MPHOSPH6: variants seen among roughly 807,000 people sequenced by gnomAD.
The protein encoded by MPHOSPH6 is M-phase phosphoprotein 6.
Under a neutral mutation model 21.8 loss-of-function variants are expected in MPHOSPH6, and 25 were observed. That is an observed-to-expected ratio of 1.15 (90% CI 0.83 to 1.60). The LOEUF (loss-of-function observed/expected upper bound fraction) is 1.60. Ranked by LOEUF, MPHOSPH6 falls within the 40% of genes most tolerant of loss-of-function variation. MPHOSPH6 has a pLI of 0.00. For synonymous variants in MPHOSPH6, 84 were observed against 56.5 expected, an observed-to-expected ratio of 1.49 and a Z score of -2.18; for missense variants, 269 against 181.8, an observed-to-expected ratio of 1.48 and a Z score of -2.76.
chr16:82,158,802 A>G (rs1319681239), intron 2 of MPHOSPH6, among the ~76,000 whole-genome samples: 2 of 152,340 alleles, frequency 1.3e-5, no homozygotes, highest in East Asian at 1.9e-4. Flanking sequence ...CCAACACTTA[A>G]AAGACTTTTC....
chr16:82,151,609 C>G (rs1187270230), intron 2 of MPHOSPH6, 95 bp from the exon 3 acceptor site: 1 of 1,391,314 alleles, frequency 7.2e-7, no homozygotes, highest in Non-Finnish European at 9.4e-7. Context: ...ACCTATGGTT[C>G]TCAGTAGAAT....
chr16:82,168,107 C>T (rs1002390027), intron 1 of MPHOSPH6, among the ~76,000 whole-genome samples: 3 of 145,134 alleles, frequency 2.1e-5, no homozygotes, highest in African/African-American at 7.4e-5. Flanking sequence ...AGTTGAGTCT[C>T]CCCATTTGGT....
intron 2 of MPHOSPH6, among the ~76,000 whole-genome samples, chr16:82,158,912 C>G (rs181182484): frequency 2.0e-3 from 305 of 152,200 alleles, no homozygotes; most frequent in Non-Finnish European, 2.4e-3. Flanking sequence ...TTCCAAATGA[C>G]AGATGCAGGA....
intron 1 of MPHOSPH6, among the ~76,000 whole-genome samples, chr16:82,165,173 G>GCT (rs1479661234): frequency 2.3e-5 from 3 of 130,662 alleles, no homozygotes; most frequent in African/African-American, 8.7e-5. Context: ...TGTCGCCCAG[G>GCT]CTGGAGTGTA....
intron 2 of MPHOSPH6, among the ~76,000 whole-genome samples, chr16:82,159,379 C>T (rs1411005211): frequency 6.6e-6 from 1 of 152,070 alleles, no homozygotes; most frequent in African/African-American, 2.4e-5. Flanking sequence ...AAATATAAAT[C>T]ACACAAAACA....
intron 2 of MPHOSPH6, among the ~76,000 whole-genome samples, chr16:82,153,858 A>G (rs1357149945): frequency 6.6e-6 from 1 of 152,190 alleles, no homozygotes; most frequent in Non-Finnish European, 1.5e-5. Flanking sequence ...CAAAATCCAG[A>G]TGTTAGTAGG....
At chr16:82,155,544 CTATT>C (rs1237555918) in intron 2 of MPHOSPH6, among the ~76,000 whole-genome samples, 1 of 152,118 alleles carries the variant, frequency 6.6e-6, no homozygotes, top group Non-Finnish European at 1.5e-5. Context: ...TGAAAAAACT[CTATT>C]TATGATATAT....
In MPHOSPH6 at chr16:82,164,147, T is replaced by C; in HGVS notation, c.99A>G (p.Glu33=). ...CTTCACTAATGATTTTCTTTTCTTC[T>C]TCTTCTAGTTGTTTCTTGGTTTCTG... ...LDSETKKQLE[E]EEKKIISEEH... Residue 33 remains glutamate, a synonymous_variant, in exon 2 of 5, where the codon GAA becomes GAG. Transcript: ENST00000258169. 6.2e-7 allele frequency: 1 copy of C among 1,612,396 alleles called. No individual in the cohort carries two copies. Among genetic ancestry groups the C allele is most frequent in the Non-Finnish European group, 8.5e-7 (1 of 1,179,974 alleles).
chr16:82,158,280 A>G (rs1345598902), intron 2 of MPHOSPH6, among the ~76,000 whole-genome samples: 1 of 151,888 alleles, frequency 6.6e-6, no homozygotes, highest in African/African-American at 2.4e-5. Context: ...CGAGGTCAGG[A>G]AATTGAGATC....
At chr16:82,150,219 C>T (rs755682377) in intron 3 of MPHOSPH6, among the ~76,000 whole-genome samples, 3 of 152,008 alleles carry the variant, frequency 2.0e-5, no homozygotes, top group Non-Finnish European at 2.9e-5. Context: ...TCAATTTCTG[C>T]GGGCAGTGGC....
intron 3 of MPHOSPH6, among the ~76,000 whole-genome samples, chr16:82,150,161 A>C (rs535549145): frequency 1.3e-5 from 2 of 152,210 alleles, no homozygotes; most frequent in East Asian, 3.9e-4. Flanking sequence ...TCAGTGTTTC[A>C]GAATCCAGTA....
intron 1 of MPHOSPH6, chr16:82,164,935 G>A (rs541629123): frequency 6.6e-6 from 1 of 152,154 alleles, no homozygotes; most frequent in Admixed American, 6.5e-5. Context: ...ATGAATACCT[G>A]TATTTCTTCA....
At position 82,159,648 on chromosome 16, in the gene MPHOSPH6, C is replaced by T. The variant is rs575402811; in HGVS notation, c.164+4434G>A. Among the ~76,000 whole-genome samples the T allele has an allele frequency of 8.5e-5, 13 of 152,252 alleles. No individual in the cohort carries two copies. In the South Asian group the frequency reaches 1.2e-3, roughly 15 times the overall value. On this transcript the variant is annotated intron_variant, in intron 2 of 4. Transcript: ENST00000258169. The stretch of plus-strand genomic sequence containing the variant: ...GTCTCGATCTCCTGACGTCGTGATC[C>T]GCCTGCCTCGGCCTCCCAAAGTGCT...
At chr16:82,160,418 C>G (rs1403067494) in intron 2 of MPHOSPH6, among the ~76,000 whole-genome samples, 4 of 152,206 alleles carry the variant, frequency 2.6e-5, no homozygotes, top group African/African-American at 9.6e-5. Flanking sequence ...CTCAGTGGGT[C>G]TCACATTCCT....
intron 2 of MPHOSPH6, among the ~76,000 whole-genome samples, chr16:82,154,485 G>C (rs932385803): frequency 6.6e-6 from 1 of 151,880 alleles, no homozygotes; most frequent in Non-Finnish European, 1.5e-5. Context: ...TAGAAAGAAA[G>C]AAAACAACTG....
intron 1 of MPHOSPH6, 23 bp from the exon 2 acceptor site, chr16:82,164,217 T>G: frequency 6.6e-7 from 1 of 1,503,814 alleles, no homozygotes; most frequent in Non-Finnish European, 9.1e-7. Context: ...ACAAAATCAA[T>G]GTCAGAAACT....
At chr16:82,162,902 A>C (rs1906651359) in intron 2 of MPHOSPH6, among the ~76,000 whole-genome samples, 1 of 152,202 alleles carries the variant, frequency 6.6e-6, no homozygotes, top group Non-Finnish European at 1.5e-5. Context: ...CCTGCTCTTT[A>C]ATAAACAACT....
rs1339460401 is a variant in MPHOSPH6, at chr16:82,170,111, C to T, written c.51+14G>A. 17 of 1,588,570 alleles carry T rather than the reference C, an allele frequency of 1.1e-5. No individual in the cohort carries two copies. Among genetic ancestry groups the T allele is most frequent in the Admixed American group, 1.8e-5 (1 of 57,082 alleles). ...CCCCTACCGCCCGGAGTGGCGCTCT[C>T]AGCGTCCCCGCACCTTCATGCGCAG... On this transcript the variant is annotated intron_variant, in intron 1 of 4. Coordinates refer to ENST00000258169, the MANE Select transcript of MPHOSPH6 (RefSeq NM_005792.2).
At position 82,148,809 on chromosome 16, in the gene MPHOSPH6, A is replaced by T; in HGVS notation, c.405T>A (p.His135Gln). The T allele has an allele frequency of 6.2e-7, 1 of 1,614,072 alleles. No individual in the cohort carries two copies. Among genetic ancestry groups the T allele is most frequent in the Non-Finnish European group, 8.5e-7 (1 of 1,180,010 alleles). ...CATTTTCATCTTCTTCATAATTGGC[A>T]TGGTCTCTCTTTCTGGCAAACTTTT... ...IGKKFARKRD[H>Q]ANYEEDENGD... The change falls in exon 5 of 5, where the codon CAT becomes CAA. Residue 135 changes from histidine to glutamine, a missense_variant. Physicochemically the swap from His to Gln is conservative, Grantham distance 24. Coordinates refer to ENST00000258169, the MANE Select transcript of MPHOSPH6 (RefSeq NM_005792.2).
Sources: allele counts gnomAD v4.1 joint callset (sites outside exome capture counted in the v4.1 genomes callset), GRCh38; gene constraint gnomAD v4.1.1; transcripts MANE v1.5; gene names NCBI Gene and HGNC (gene_info 2026-07-23, HGNC 2026-07-21).